RAD54L2: variants seen among roughly 807,000 people sequenced by gnomAD.
RAD54L2 encodes helicase ARIP4.
In RAD54L2, 27 loss-of-function variants were observed where a neutral mutation model predicts 138.4. The observed-to-expected ratio is 0.20, with a 90% CI of 0.14 to 0.27. The LOEUF (loss-of-function observed/expected upper bound fraction) is 0.27. Ranked by LOEUF, RAD54L2 falls within the 10% of genes least tolerant of loss-of-function variation. The pLI, the probability that RAD54L2 is intolerant of heterozygous loss-of-function variation, is 1.00. For missense variants in RAD54L2, 1,396 were observed against 1,890.2 expected (o/e 0.74, Z 4.85); for synonymous variants, 644 against 723.2 (o/e 0.89, Z 1.76).
Position 51,637,188 on chromosome 3 carries a change from G to T in RAD54L2, c.1367G>T (p.Gly456Val). The T allele has an allele frequency of 6.3e-7, 1 of 1,588,080 alleles. No homozygotes were observed. The highest frequency in any genetic ancestry group is 1.8e-5 in the Admixed American group (1 of 55,906). ...TTTGAGAAGGCTTTATGCCGCCCTGGCCCTGATGTAGTAATCTGTGATGAG... is the reference window on the plus strand; with the variant it reads ...TTTGAGAAGGCTTTATGCCGCCCTGTCCCTGATGTAGTAATCTGTGATGAG... ...REFEKALCRP[G>V]PDVVICDEGH... The change falls in exon 11 of 23, where the codon GGC (glycine) becomes GTC (valine). Residue 456 changes from glycine (G) to valine (V), a missense_variant. Gly to Val is a moderately radical substitution (Grantham distance 109). Transcript: ENST00000684192. The surrounding 1 kb of genome is among the most constrained non-coding windows in gnomAD (Gnocchi z 5.9).
At chr3:51,658,262 TG>T (rs1274336830) in intron 21 of RAD54L2, among the ~76,000 whole-genome samples, 1 of 152,100 alleles carries the variant, frequency 6.6e-6, no homozygotes, top group African/African-American at 2.4e-5. Context: ...AATCTTGGGA[TG>T]GGACAAGTAG....
intron 2 of RAD54L2, among the ~76,000 whole-genome samples, chr3:51,584,224 A>G (rs1379863870): frequency 6.6e-6 from 1 of 152,084 alleles, no homozygotes; most frequent in Non-Finnish European, 1.5e-5. Flanking sequence ...ACATTGTGCT[A>G]TCTTTTGGAG....
chr3:51,543,573 A>G (rs1485019869), intron 2 of RAD54L2, among the ~76,000 whole-genome samples: 3 of 147,288 alleles, frequency 2.0e-5, no homozygotes, highest in Admixed American at 7.1e-5. Context: ...GTGCTAGTGC[A>G]CTCCAGCCTA....
At chr3:51,552,473 A>G (rs375251301) in intron 2 of RAD54L2, among the ~76,000 whole-genome samples, 1 of 151,386 alleles carries the variant, frequency 6.6e-6, no homozygotes, top group East Asian at 1.9e-4. Flanking sequence ...TTTCTTAGCC[A>G]GGATGTTCTC....
In RAD54L2 at chr3:51,559,213, G is replaced by A. The variant is rs555056351; in HGVS notation, c.-55+17563G>A. Among the ~76,000 whole-genome samples, 4 of 152,074 alleles carry A rather than the reference G, an allele frequency of 2.6e-5. No homozygotes were observed. The East Asian group carries it at 7.7e-4, about 29-fold the overall frequency. On this transcript the variant is annotated intron_variant, in intron 2 of 22. Transcript: ENST00000684192. Reference sequence around the variant, plus strand: ...GACAATAGCCCACTGAAATGGAAAGGGTTACTCTTTCACATTTAATGTGTC... The same window carrying A: ...GACAATAGCCCACTGAAATGGAAAGAGTTACTCTTTCACATTTAATGTGTC...
chr3:51,641,979 T>C, intron 15 of RAD54L2, 112 bp downstream of exon 15: 1 of 782,522 alleles, frequency 1.3e-6, no homozygotes, highest in Non-Finnish European at 2.1e-6. Context: ...GGAATATTTG[T>C]GATTAGTCAA....
chr3:51,637,256 C>G lies in RAD54L2; in HGVS notation c.1435C>G (p.Leu479Val), dbSNP rs1170239886. 1.2e-6 allele frequency: 2 copies of G among 1,604,252 alleles called. No homozygotes were observed. ...KNCQASTSQALKNIRSRRRVV... is the reference protein window; with the variant it reads ...KNCQASTSQAVKNIRSRRRVV... ...CTGCCAGGCCAGCACCTCACAGGCT[C>G]TGAAGAATATCCGCTCTCGCCGCCG... The change falls in exon 11 of 23, where the codon CTG (leucine) becomes GTG (valine). Residue 479 changes from leucine (L) to valine (V), a missense_variant. This residue lies in a region of RAD54L2 where 169 missense variants were observed against 235.6 expected (regional missense o/e 0.72). Transcript: ENST00000684192. This position sits in a 1 kb window ranked among gnomAD's most constrained non-coding sequence, Gnocchi z 5.9.
At chr3:51,642,081 A>G (rs537834166) in intron 15 of RAD54L2, among the ~76,000 whole-genome samples, 2 of 152,340 alleles carry the variant, frequency 1.3e-5, no homozygotes, top group African/African-American at 2.4e-5. Flanking sequence ...GTAGAGAAAT[A>G]GAAGCCATAG....
intron 3 of RAD54L2, among the ~76,000 whole-genome samples, chr3:51,591,448 T>C (rs1203861957): frequency 6.6e-6 from 1 of 152,214 alleles, no homozygotes; most frequent in Non-Finnish European, 1.5e-5. Context: ...TTCTCCAGAT[T>C]CCAGGAGGAT....
chr3:51,539,353 G>A (rs1381487607), intron 1 of RAD54L2, among the ~76,000 whole-genome samples: 1 of 152,156 alleles, frequency 6.6e-6, no homozygotes, highest in Non-Finnish European at 1.5e-5. Context: ...CCTCTCCTGA[G>A]GTCTGGGAAT....
chr3:51,586,226 C>T (rs1005507794), intron 2 of RAD54L2, among the ~76,000 whole-genome samples: 2 of 151,968 alleles, frequency 1.3e-5, no homozygotes, highest in African/African-American at 4.8e-5. Flanking sequence ...TCAAGTGATC[C>T]TCCTGCCTCA....
At chr3:51,641,298 C>T (rs1351305787) in intron 14 of RAD54L2, among the ~76,000 whole-genome samples, 1 of 148,612 alleles carries the variant, frequency 6.7e-6, no homozygotes, top group East Asian at 2.0e-4. Context: ...AGCCACTGTT[C>T]CCGACCTAGA....
chr3:51,629,413 G>A lies in RAD54L2; in HGVS notation c.421G>A (p.Glu141Lys). Residue 141 changes from glutamate to lysine, a missense_variant, in exon 5 of 23, where the codon GAG becomes AAG. Around this residue, in one of 7 missense-constraint regions of RAD54L2, gnomAD observed 256 missense variants for 344.6 expected, o/e 0.74. Coordinates refer to ENST00000684192, the MANE Select transcript of RAD54L2 (RefSeq NM_015106.4). ...AGAGTTGGAAAGAAGGAAGCGCCTG[G>A]AGCAGCAGAGGAAAGATTATGCAGC... ...QEELERRKRL[E>K]QQRKDYAAPI... 1 of 1,610,794 alleles carries A rather than the reference G, an allele frequency of 6.2e-7. No individual in the cohort carries two copies. The highest frequency in any genetic ancestry group is 1.1e-5 in the South Asian group (1 of 90,164).
rs909521718 is a variant in RAD54L2 at position 51,637,416 on chromosome 3, A to G, written c.1595A>G (p.Gln532Arg). Reference protein sequence around the residue: ...NMFERPILNGQCIDSTPQDVR... With the variant: ...NMFERPILNGRCIDSTPQDVR... The stretch of plus-strand genomic sequence containing the variant: ...TTTGAACGCCCTATCCTGAATGGGC[A>G]ATGTATTGACAGCACACCTCAGGAC... The change falls in exon 11 of 23, where the codon CAA (glutamine) becomes CGA (arginine). Residue 532 changes from glutamine to arginine, a missense_variant. By Grantham distance (43) the Gln-to-Arg change is conservative. Transcript: ENST00000684192. The surrounding 1 kb of genome is among the most constrained non-coding windows in gnomAD (Gnocchi z 5.9). 6.2e-7 allele frequency: 1 copy of G among 1,613,940 alleles called. No individual in the cohort carries two copies. The highest frequency in any genetic ancestry group is 1.1e-5 in the South Asian group (1 of 91,060).
rs371469146 is a variant in RAD54L2, at chr3:51,637,369, C to T, written c.1548C>T (p.Thr516=). ...TTGTGCGCCCAGACTTCCTTGGCAC[C>T]CGGCAGGAGTTCAGCAACATGTTTG... ...VDFVRPDFLG[T]RQEFSNMFER... The change falls in exon 11 of 23, where the codon ACC becomes ACT. Residue 516 remains threonine, a synonymous_variant. Transcript: ENST00000684192. The surrounding 1 kb of genome is among the most constrained non-coding windows in gnomAD (Gnocchi z 5.9). 6.2e-6 allele frequency: 10 copies of T among 1,613,590 alleles called. No homozygotes were observed. The highest frequency in any genetic ancestry group is 7.6e-6 in the Non-Finnish European group (9 of 1,179,834).
At chr3:51,557,332 A>G (rs1049466614) in intron 2 of RAD54L2, among the ~76,000 whole-genome samples, 2 of 151,448 alleles carry the variant, frequency 1.3e-5, no homozygotes, top group Non-Finnish European at 2.9e-5. Context: ...ACAAGTGCAC[A>G]CTGCCATGCC....
intron 3 of RAD54L2, among the ~76,000 whole-genome samples, chr3:51,605,009 C>T (rs563363146): frequency 8.0e-4 from 121 of 152,042 alleles, no homozygotes; most frequent in Middle Eastern, 3.4e-3. Context: ...GCAACCTCTG[C>T]CTCCCAGGTT....
chr3:51,580,820 A>T (rs1386213492), intron 2 of RAD54L2, among the ~76,000 whole-genome samples: 2 of 152,216 alleles, frequency 1.3e-5, no homozygotes, highest in African/African-American at 4.8e-5. Context: ...TCTTGAAGCT[A>T]AGTGCATAGA....
chr3:51,563,727 T>C (rs1236889157), intron 2 of RAD54L2, among the ~76,000 whole-genome samples: 1 of 152,214 alleles, frequency 6.6e-6, no homozygotes, highest in Non-Finnish European at 1.5e-5. Context: ...CATTTGGTAA[T>C]ATATTTAGTG....
Sources: allele counts gnomAD v4.1 joint callset (sites outside exome capture counted in the v4.1 genomes callset), GRCh38; gene constraint gnomAD v4.1.1; regional missense constraint gnomAD v4.1.1; non-coding constraint Gnocchi (gnomAD v3.1); transcripts MANE v1.5; gene names NCBI Gene and HGNC (gene_info 2026-07-23, HGNC 2026-07-21).